Variants in POLG observed in about 807,000 individuals in gnomAD.
The protein encoded by POLG is DNA polymerase gamma, catalytic subunit.
POLG carries 110 observed loss-of-function variants against 155.4 expected under a neutral mutation model. That is an observed-to-expected ratio of 0.71 (90% CI 0.61 to 0.83). The LOEUF is 0.83. Ranked by LOEUF, POLG falls within the 40% of genes least tolerant of loss-of-function variation. The pLI is 0.00. For synonymous variants in POLG, 701 were observed against 631.5 expected (o/e 1.11, Z -1.65); for missense variants, 1,685 against 1,627.5 (o/e 1.04, Z -0.61).
At chr15:89,325,147 T>TGAGTGAGTGAGTGAGTGAGA (rs2055477649) in intron 10 of POLG, among the ~76,000 whole-genome samples, 7 of 20,704 alleles carry the variant, frequency 3.4e-4, no homozygotes, top group Admixed American at 5.1e-4. Context: ...AGTGAGAGAG[T>TGAGTGAGTGAGTGAGTGAGA]GAGTGAGTGA....
Position 89,329,076 on chromosome 15 carries a change from A to G in POLG, c.890T>C (p.Met297Thr). The G allele has an allele frequency of 6.2e-7, 1 of 1,612,866 alleles. No homozygotes were observed. Among genetic ancestry groups the G allele is most frequent in the Non-Finnish European group, 8.5e-7 (1 of 1,180,006 alleles). Residue 297 changes from methionine to threonine, a missense_variant, in exon 4 of 23, where the codon ATG (methionine) becomes ACG (threonine). Coordinates refer to ENST00000268124, the MANE Select transcript of POLG (RefSeq NM_002693.3). ...GCTTAGCCCTGAGATGGCCATGTGCATGCTCATGGTGTCCAGGAAACGCAT... is the reference window on the plus strand; with the variant it reads ...GCTTAGCCCTGAGATGGCCATGTGCGTGCTCATGGTGTCCAGGAAACGCAT... ...SRMRFLDTMS[M>T]HMAISGLSSF... is the part of the protein sequence containing the mutation.
chr15:89,325,171 A>AGAGTGAGAGAGTGAGTGAGTGAGT (rs2055481708), intron 10 of POLG, among the ~76,000 whole-genome samples: 1 of 58,574 alleles, frequency 1.7e-5, no homozygotes, highest in Non-Finnish European at 3.0e-5. Context: ...AGTGAGTGAG[A>AGAGTGAGAGAGTGAGTGAGTGAGT]GAGTGAGAGA....
intron 13 of POLG, 144 bp downstream of exon 13, chr15:89,323,260 A>G (rs2055424210): frequency 1.5e-6 from 1 of 687,946 alleles, no homozygotes; most frequent in Non-Finnish European, 2.7e-6. Flanking sequence ...GAGAGATGAC[A>G]GTATGTGCCT....
At chr15:89,318,123 G>C (rs1360184316) in intron 21 of POLG, 2 of 193,488 alleles carry the variant, frequency 1.0e-5, no homozygotes, top group African/African-American at 2.4e-5. Flanking sequence ...AGTGTTTTCT[G>C]TTAGCAGTCA....
rs756143410 is a variant in POLG at position 89,329,005 on chromosome 15, T to G, written c.961A>C (p.Lys321Gln). ...LWIAAKQGKH[K>Q]VQPPTKQGQK... ...CCTTGCTTTGTGGGGGGCTGGACCT[T>G]GTGTTTGCCCTGCTTGGCTGCTATC... is the stretch of plus-strand genomic sequence containing the variant. The change falls in exon 4 of 23, where the codon AAG becomes CAG. Residue 321 changes from lysine to glutamine, a missense_variant. Physicochemically the swap from Lys to Gln is moderately conservative, Grantham distance 53 (BLOSUM62 1). Around this residue, in one of 3 missense-constraint regions of POLG, gnomAD observed 1,210 missense variants for 1,167.1 expected, o/e 1.04. Transcript: ENST00000268124. 1.2e-6 allele frequency: 2 copies of G among 1,613,482 alleles called. No homozygotes were observed. Among genetic ancestry groups the G allele is most frequent in the East Asian group, 4.5e-5 (2 of 44,896 alleles).
At chr15:89,334,547 G>A (rs1229733588) in intron 1 of POLG, 126 bp downstream of exon 1, 1 of 152,124 alleles carries the variant, frequency 6.6e-6, no homozygotes, top group African/African-American at 2.4e-5. Context: ...GCGCCCGGCA[G>A]AGGCGCCGCG....
rs2055395036 is a variant in POLG at position 89,321,462 on chromosome 15, C to T, written c.2599-202G>A. 2.0e-5 allele frequency among the ~76,000 whole-genome samples: 3 copies of T among 152,190 alleles called. No individual in the cohort carries two copies. In the South Asian group the frequency reaches 6.2e-4, roughly 31 times the overall value. ...TAAAGAATCTACTCTATGCCTAGCG[C>T]TATGCCAGACCCCTCACCTACACGG... On this transcript the variant is annotated intron_variant, in intron 16 of 22. Coordinates refer to ENST00000268124, the MANE Select transcript of POLG (RefSeq NM_002693.3).
In POLG at chr15:89,316,468, C is replaced by G. The variant is rs1241198057; in HGVS notation, c.*283G>C. 6.2e-7 allele frequency: 1 copy of G among 1,605,928 alleles called. No individual in the cohort carries two copies. Among genetic ancestry groups the G allele is most frequent in the Non-Finnish European group, 8.5e-7 (1 of 1,175,396 alleles). On this transcript the variant is annotated 3_prime_UTR_variant, in exon 23 of 23. Coordinates refer to ENST00000268124, the MANE Select transcript of POLG (RefSeq NM_002693.3). ...AGAAAAGGAAAAAATAAATGAAATG[C>G]CTGAGTTAATGTGAACTTTGGGGCT...
chr15:89,325,145 AGTGAG>A (rs2055477035), intron 10 of POLG, among the ~76,000 whole-genome samples: 1 of 47,378 alleles, frequency 2.1e-5, no homozygotes. Context: ...TGAGTGAGAG[AGTGAG>A]TGAGTGAGTG....
At chr15:89,329,938 C>T (rs1277531358) in intron 3 of POLG, 143 bp downstream of exon 3, 1 of 744,864 alleles carries the variant, frequency 1.3e-6, no homozygotes, top group Non-Finnish European at 2.4e-6. Context: ...ACCAGAGGCA[C>T]AGCTGGTCAA....
chr15:89,333,656 G>T lies in POLG; in HGVS notation c.99C>A (p.Ser33=). 1.3e-6 allele frequency: 2 copies of T among 1,569,598 alleles called. No homozygotes were observed. Among genetic ancestry groups the T allele is most frequent in the Non-Finnish European group, 1.7e-6 (2 of 1,162,482 alleles). The change falls in exon 2 of 23, where the codon TCC becomes TCA. Residue 33 remains serine (S), a synonymous_variant. Coordinates refer to ENST00000268124, the MANE Select transcript of POLG (RefSeq NM_002693.3). ...GCCGCCGCTGCCCGTCGCTGGGGTC[G>T]GACGCGGGGACGGAGCTGGAGACCC... The part of the protein sequence containing the change: ...GRWVSSSVPA[S]DPSDGQRRRQ...
intron 2 of POLG, 60 bp from the exon 3 acceptor site, chr15:89,330,336 C>T: frequency 7.7e-7 from 1 of 1,294,348 alleles, no homozygotes; most frequent in Non-Finnish European, 1.1e-6. Context: ...CACTCCACAA[C>T]AACCACTGCA....
At position 89,319,054 on chromosome 15, in the gene POLG, C is replaced by G. The variant is rs1254460454; in HGVS notation, c.3150G>C (p.Lys1050Asn). ...TGAACATTTCTGACTCTGTGCCCCC[C>G]TTCCATGCCCGTTCAGCAACCACCT... is the stretch of plus-strand genomic sequence containing the variant. ...KWEVVAERAWKGGTESEMFNK... is the reference protein window; with the variant it reads ...KWEVVAERAWNGGTESEMFNK... Residue 1050 changes from lysine to asparagine, a missense_variant, in exon 20 of 23, where the codon AAG becomes AAC. Coordinates refer to ENST00000268124, the MANE Select transcript of POLG (RefSeq NM_002693.3). 2.5e-6 allele frequency: 4 copies of G among 1,614,164 alleles called. No individual in the cohort carries two copies. Among genetic ancestry groups the G allele is most frequent in the African/African-American group, 1.3e-5 (1 of 75,036 alleles).
chr15:89,322,005 C>T lies in POLG; in HGVS notation c.2437G>A (p.Val813Met). The change falls in exon 15 of 23, where the codon GTG (valine) becomes ATG (methionine). Residue 813 changes from valine (V) to methionine (M), a missense_variant. This residue lies in a region of POLG where 1,210 missense variants were observed against 1,167.1 expected (regional missense o/e 1.04). Transcript: ENST00000268124. ...AGAGCTGACCTGGGCAGCCACACCA[C>T]CATCTGGGAGCTGTGGGGACAGACA... ...NAHKRISSQM[V>M]VWLPRSALPR... The T allele has an allele frequency of 1.2e-6, 2 of 1,614,156 alleles. No homozygotes were observed. The highest frequency in any genetic ancestry group is 2.7e-5 in the African/African-American group (2 of 75,052).
Position 89,317,529 on chromosome 15 carries a change from A to T in POLG, c.3490T>A (p.Phe1164Ile), listed in dbSNP as rs1490796904. The change falls in exon 22 of 23, where the codon TTT becomes ATT. Residue 1164 changes from phenylalanine (F) to isoleucine (I), a missense_variant. Phe to Ile is a conservative substitution (Grantham distance 21). Transcript: ENST00000268124. ...QITNLLTRCM[F>I]AYKLGLNDLP... ...TCATTCAGACCCAGCTTGTAGGCAA[A>T]CATGCACCTGAAAGAGACCCAATCT... 1 of 1,614,020 alleles carries T rather than the reference A, an allele frequency of 6.2e-7. No homozygotes were observed. The highest frequency in any genetic ancestry group is 8.5e-7 in the Non-Finnish European group (1 of 1,179,886).
At position 89,323,164 on chromosome 15, in the gene POLG, C is replaced by T. The variant is rs55863308; in HGVS notation, c.2265+240G>A. 8.4e-3 allele frequency among the ~76,000 whole-genome samples: 1,273 copies of T among 152,338 alleles called. 20 individuals are homozygous for T. The highest frequency in any genetic ancestry group is 0.02 in the African/African-American group (814 of 41,572). On this transcript the variant is annotated intron_variant, in intron 13 of 22. Transcript: ENST00000268124. ...GAAAAACCTATCACGTACCAGATGT[C>T]GTACCAAACATACGACGTGCCCCAT...
rs748699275 is a variant in POLG, at chr15:89,323,854, C to T, written c.2118G>A (p.Glu706=). 1.1e-5 allele frequency: 18 copies of T among 1,614,076 alleles called. No homozygotes were observed. The Admixed American group carries it at 3.0e-4, about 27-fold the overall frequency. ...YLEVEAEAKM[E]NLRAAVPGQP... is the part of the protein sequence containing the mutation. Reference sequence around the variant, plus strand: ...GACCTGGCACTGCAGCTCGCAAGTTCTCCATCTTGGCCTCAGCCTCCACTT... The same window carrying T: ...GACCTGGCACTGCAGCTCGCAAGTTTTCCATCTTGGCCTCAGCCTCCACTT... Residue 706 remains glutamate (E), a synonymous_variant, in exon 12 of 23, where the codon GAG becomes GAA. Transcript: ENST00000268124.
intron 18 of POLG, among the ~76,000 whole-genome samples, chr15:89,320,171 A>G (rs947389819): frequency 1.3e-5 from 2 of 152,228 alleles, no homozygotes; most frequent in Admixed American, 6.5e-5. Flanking sequence ...AGTTTCCACA[A>G]TGAGCCAGCT....
At chr15:89,317,120 T>C in intron 22 of POLG, 1 of 591,750 alleles carries the variant, frequency 1.7e-6, no homozygotes, top group South Asian at 2.0e-5. Flanking sequence ...GAATAAATTA[T>C]CTTTAAACAT....
Sources: gnomAD v4.1 joint callset for allele counts (sites outside exome capture counted in the v4.1 genomes callset) on GRCh38, gnomAD v4.1.1 for gene constraint, gnomAD v4.1.1 regional missense constraint, MANE v1.5 for transcripts, NCBI Gene and HGNC (gene_info 2026-07-23, HGNC 2026-07-21) for gene names.